SLC35F4: variants seen among roughly 807,000 people sequenced by gnomAD.
SLC35F4 encodes the protein chromosome 14 open reading frame 36.
In SLC35F4, 24 loss-of-function variants were observed where a neutral mutation model predicts 44.2. The ratio of observed to expected loss-of-function variants is 0.54; its 90% CI spans 0.39 to 0.76. SLC35F4 has a LOEUF of 0.76. Ranked by LOEUF, SLC35F4 falls within the 30% of genes least tolerant of loss-of-function variation. The probability of loss-of-function intolerance (pLI) is 0.00; values close to 1 mark genes in which losing one functional copy is unlikely to be tolerated. For synonymous variants in SLC35F4, 238 were observed against 223.6 expected, an observed-to-expected ratio of 1.06 and a Z score of -0.57; for missense variants, 562 against 586.1, an observed-to-expected ratio of 0.96 and a Z score of 0.42.
At chr14:57,974,897 C>T (rs867203276), downstream of SLC35F4, among the ~76,000 whole-genome samples, 4 of 152,148 alleles carry the variant, frequency 2.6e-5, no homozygotes, top group Non-Finnish European at 1.5e-5. Flanking sequence ...AAAATATTTC[C>T]TAACCCTAGC....
chr14:57,809,901 C>T (rs781300123), intron 1 of SLC35F4, among the ~76,000 whole-genome samples: 30 of 152,212 alleles, frequency 2.0e-4, no homozygotes, highest in Non-Finnish European at 3.7e-4. Context: ...ATAACTGGCA[C>T]ATTGAATAAG....
intron 1 of SLC35F4, chr14:57,596,635 G>T: frequency 3.7e-6 from 2 of 537,884 alleles, no homozygotes; most frequent in South Asian, 3.0e-5. Flanking sequence ...TCTAGAAATA[G>T]GCTGGGTAGC....
intron 1 of SLC35F4, among the ~76,000 whole-genome samples, chr14:57,607,658 T>C (rs2071242229): frequency 6.6e-6 from 1 of 152,158 alleles, no homozygotes. Flanking sequence ...TTTGAAAGGA[T>C]TTAAGTAGGG....
chr14:57,759,902 T>C (rs886101142), intron 1 of SLC35F4, among the ~76,000 whole-genome samples: 1 of 152,030 alleles, frequency 6.6e-6, no homozygotes, highest in African/African-American at 2.4e-5. Context: ...TGTTTGCTTT[T>C]TGCTATCGAG....
chr14:57,885,034 C>A (rs1015383662), intron 1 of SLC35F4, among the ~76,000 whole-genome samples: 3 of 152,110 alleles, frequency 2.0e-5, no homozygotes, highest in Non-Finnish European at 4.4e-5. Context: ...TATTACTTTG[C>A]AACTTTTTTT....
At chr14:57,732,790 T>C (rs990887492) in intron 1 of SLC35F4, among the ~76,000 whole-genome samples, 1 of 152,160 alleles carries the variant, frequency 6.6e-6, no homozygotes, top group Admixed American at 6.6e-5. Context: ...CAGAATATCA[T>C]ACATCAAACT....
intron 1 of SLC35F4, among the ~76,000 whole-genome samples, chr14:57,783,050 C>T (rs1566849520): frequency 6.6e-6 from 1 of 152,076 alleles, no homozygotes; most frequent in Non-Finnish European, 1.5e-5. Context: ...GCTATACCAG[C>T]AGCCATGAAA....
At chr14:57,578,325 G>GTTTGTTTTTTTTTTTTTTTTT (rs2068957220) in intron 4 of SLC35F4, among the ~76,000 whole-genome samples, 2 of 43,116 alleles carry the variant, frequency 4.6e-5, no homozygotes, top group African/African-American at 1.6e-4. Context: ...CCCTTTAACT[G>GTTTGTTTTTTTTTTTTTTTTT]TTTTTTTTTT....
intron 1 of SLC35F4, among the ~76,000 whole-genome samples, chr14:57,903,051 C>G (rs1225001692): frequency 2.6e-5 from 4 of 152,146 alleles, no homozygotes; most frequent in Admixed American, 2.6e-4. Context: ...TTCTCTCCCC[C>G]AAAAGAAGGC....
intron 1 of SLC35F4, among the ~76,000 whole-genome samples, chr14:57,674,754 A>G (rs1411920526): frequency 1.3e-5 from 2 of 152,106 alleles, no homozygotes; most frequent in Non-Finnish European, 2.9e-5. Flanking sequence ...CAGCTGTACC[A>G]GTAGCCAGAG....
intron 6 of SLC35F4, 106 bp from the exon 7 acceptor site, chr14:57,566,670 C>A: frequency 9.4e-7 from 1 of 1,062,586 alleles, no homozygotes; most frequent in Non-Finnish European, 1.4e-6. Context: ...GCCTTTTAAA[C>A]TGTCTATACC....
intron 1 of SLC35F4, among the ~76,000 whole-genome samples, chr14:57,695,791 A>G (rs952623816): frequency 6.6e-6 from 1 of 152,242 alleles, no homozygotes; most frequent in African/African-American, 2.4e-5. Context: ...ACAATGATAG[A>G]CTGGATTAAG....
intron 1 of SLC35F4, among the ~76,000 whole-genome samples, chr14:57,835,645 T>C (rs1468279604): frequency 1.3e-5 from 2 of 152,206 alleles, no homozygotes; most frequent in Non-Finnish European, 2.9e-5. Context: ...TGGAGAGGAA[T>C]GACCCCTGCC....
At chr14:57,720,507 T>C (rs2076056599) in intron 1 of SLC35F4, among the ~76,000 whole-genome samples, 2 of 152,192 alleles carry the variant, frequency 1.3e-5, no homozygotes, top group South Asian at 4.1e-4. Flanking sequence ...ATTGATCTCA[T>C]TACTTGTTAT....
chr14:57,946,422 A>T (rs1175533083), intron 1 of SLC35F4, among the ~76,000 whole-genome samples: 1 of 144,910 alleles, frequency 6.9e-6, no homozygotes, highest in African/African-American at 2.5e-5. Flanking sequence ...TTTGTCGAAG[A>T]TCAGTTGGCT....
chr14:57,628,542 G>A (rs1338203221), intron 1 of SLC35F4, among the ~76,000 whole-genome samples: 1 of 144,904 alleles, frequency 6.9e-6, no homozygotes, highest in Non-Finnish European at 1.5e-5. Flanking sequence ...GTGAAAACAT[G>A]AGGTGTTTGG....
intron 1 of SLC35F4, among the ~76,000 whole-genome samples, chr14:57,952,430 G>T (rs1890158459): frequency 6.6e-6 from 1 of 152,094 alleles, no homozygotes; most frequent in Non-Finnish European, 1.5e-5. Context: ...ACTGGATGGA[G>T]AATGAGTTTG....
upstream of SLC35F4, among the ~76,000 whole-genome samples, chr14:57,870,383 T>C (rs1411059394): frequency 1.3e-5 from 2 of 152,208 alleles, no homozygotes; most frequent in African/African-American, 4.8e-5. Flanking sequence ...CATCATTTTC[T>C]AGCTGCGTGA....
In SLC35F4 at chr14:57,638,351, T is replaced by C. The variant is rs745430421; in HGVS notation, c.104-44227A>G. Reference sequence around the variant, plus strand: ...TCACCTTCTGGTGTATAGGGCCTAATTGTAATGCATTTAAAAGTCTCAGCC... The same window carrying C: ...TCACCTTCTGGTGTATAGGGCCTAACTGTAATGCATTTAAAAGTCTCAGCC... On this transcript the variant is annotated intron_variant, in intron 1 of 7. Transcript: ENST00000556826. Among the ~76,000 whole-genome samples the C allele has an allele frequency of 7.9e-5, 12 of 152,270 alleles. No individual in the cohort carries two copies. The South Asian group carries it at 1.0e-3, about 13-fold the overall frequency.
Sources: gnomAD v4.1 joint callset for allele counts (sites outside exome capture counted in the v4.1 genomes callset) on GRCh38, gnomAD v4.1.1 for gene constraint, MANE v1.5 for transcripts, NCBI Gene and HGNC (gene_info 2026-07-23, HGNC 2026-07-21) for gene names.